Variants in RALGPS2 observed in about 807,000 individuals in gnomAD.
RALGPS2 encodes the protein Ral GEF with PH domain and SH3 binding motif 2, also known as ras-specific guanine nucleotide-releasing factor RalGPS2.
RALGPS2 carries 43 observed loss-of-function variants against 86.8 expected under a neutral mutation model. The observed-to-expected ratio is 0.50, with a 90% CI of 0.39 to 0.64. The LOEUF is 0.64. RALGPS2 is among the 30% of genes least tolerant of loss of function. The pLI is 0.00. For missense variants in RALGPS2, 536 were observed against 694.6 expected, an observed-to-expected ratio of 0.77 and a Z score of 2.57; for synonymous variants, 243 against 231.3, an observed-to-expected ratio of 1.05 and a Z score of -0.46.
At chr1:178,886,184 G>T in intron 13 of RALGPS2, 64 bp downstream of exon 13, 2 of 1,547,366 alleles carry the variant, frequency 1.3e-6, no homozygotes, top group Middle Eastern at 1.7e-4. Flanking sequence ...ATAAAACTTG[G>T]CTGGAAAAAA....
Position 178,745,422 on chromosome 1 carries a change from G to A in RALGPS2, c.-84+20003G>A, listed in dbSNP as rs576745558. ...TCAAAACAATGTTGTATTTGTATAA[G>A]GATGATGAAATAGATCAATGGAATA... is the stretch of plus-strand genomic sequence containing the variant. On this transcript the variant is annotated intron_variant, in intron 1 of 19. Coordinates refer to ENST00000367635, the MANE Select transcript of RALGPS2 (RefSeq NM_152663.5). Among the ~76,000 whole-genome samples, 3 of 152,312 alleles carry A rather than the reference G, an allele frequency of 2.0e-5. No individual in the cohort carries two copies. The South Asian group carries it at 6.2e-4, about 32-fold the overall frequency.
chr1:178,827,434 G>A (rs377333620), intron 7 of RALGPS2, among the ~76,000 whole-genome samples: 4,068 of 134,610 alleles, frequency 0.03, 194 homozygotes, highest in African/African-American at 0.11. Flanking sequence ...TCGCTCTGTC[G>A]CCCAGGCTGG....
rs1013359903 is a variant in RALGPS2, at chr1:178,770,936, T to C, written c.-83-5746T>C. On this transcript the variant is annotated intron_variant, in intron 1 of 19. Transcript: ENST00000367635. ...TCACTGCAACCTCCCCGTCGCGGGA[T>C]CAAGCTATTCTCCTGCCTCAGCCTC... Among the ~76,000 whole-genome samples, 46 of 150,578 alleles carry C rather than the reference T, an allele frequency of 3.1e-4. 1 individual carries two copies.
At chr1:178,883,313 A>G (rs1350995942) in intron 10 of RALGPS2, among the ~76,000 whole-genome samples, 153 bp from the exon 11 acceptor site, 1 of 152,118 alleles carries the variant, frequency 6.6e-6, no homozygotes, top group Non-Finnish European at 1.5e-5. Context: ...CCTGTCTCTT[A>G]AAAAGAAGAA....
At chr1:178,885,882 TC>T in intron 12 of RALGPS2, 86 bp from the exon 13 acceptor site, 1 of 1,168,958 alleles carries the variant, frequency 8.6e-7, no homozygotes, top group Non-Finnish European at 1.2e-6. Flanking sequence ...GTTAGGTAAA[TC>T]TTTTATGTCC....
chr1:178,812,745 G>C (rs1268863060), intron 6 of RALGPS2, among the ~76,000 whole-genome samples: 2 of 152,062 alleles, frequency 1.3e-5, no homozygotes, highest in African/African-American at 4.8e-5. Flanking sequence ...ATAAAATGAG[G>C]ATATCATGTT....
At chr1:178,740,150 C>T (rs188240799) in intron 1 of RALGPS2, among the ~76,000 whole-genome samples, 147 of 152,254 alleles carry the variant, frequency 9.7e-4, no homozygotes, top group African/African-American at 3.1e-3. Flanking sequence ...GTATTTATAA[C>T]TACTTAACTA....
intron 1 of RALGPS2, among the ~76,000 whole-genome samples, chr1:178,768,757 A>G (rs1652638615): frequency 6.6e-6 from 1 of 152,212 alleles, no homozygotes; most frequent in African/African-American, 2.4e-5. Flanking sequence ...AACCAAGGCC[A>G]AAGGAGAATC....
chr1:178,784,330 G>A (rs1027645784), intron 2 of RALGPS2, 88 bp from the exon 3 acceptor site: 22 of 954,438 alleles, frequency 2.3e-5, no homozygotes, highest in Middle Eastern at 4.6e-4. Context: ...CTACTGTTTT[G>A]TTTTCTCAGT....
rs1404767631 is a variant in RALGPS2, at chr1:178,777,787, C to T, written c.57+966C>T. On this transcript the variant is annotated intron_variant, in intron 2 of 19. Coordinates refer to ENST00000367635, the MANE Select transcript of RALGPS2 (RefSeq NM_152663.5). ...TGACAAACCTGAGAAAAACAAGCAA[C>T]GGGGAAAGGATTCCCTATTTAATAA... 2.6e-3 allele frequency among the ~76,000 whole-genome samples: 390 copies of T among 151,622 alleles called. 1 individual carries two copies. The highest frequency in any genetic ancestry group is 8.7e-3 in the African/African-American group (357 of 41,142).
In RALGPS2 at chr1:178,865,404, T is replaced by TA. The variant is rs756103009; in HGVS notation, c.608-12093dup. 3 of 1,614,092 alleles carry TA rather than the reference T, an allele frequency of 1.9e-6. No individual in the cohort carries two copies. The Admixed American group carries it at 5.0e-5, about 27-fold the overall frequency. ...AGTTGAGTAACACGAGAGTTCATGT[T>TA]ACGGCTTTCCTTTCTCAGCAGCTTT... On this transcript the variant is annotated intron_variant, in intron 8 of 19. Transcript: ENST00000367635.
At chr1:178,915,324 C>T (rs1660772031) in intron 19 of RALGPS2, among the ~76,000 whole-genome samples, 1 of 152,194 alleles carries the variant, frequency 6.6e-6, no homozygotes, top group Admixed American at 6.5e-5. Context: ...CAACCTCTGC[C>T]TCCCGGGTTC....
At position 178,744,817 on chromosome 1, in the gene RALGPS2, C is replaced by CAAAAA. The variant is rs148175568; in HGVS notation, c.-84+19414_-84+19418dup. ...TGGGCGACAGAGCGAGACTCCATCT[C>CAAAAA]AAAAAAAAAAAAAAAAAAAAGAAAG... On this transcript the variant is annotated intron_variant, in intron 1 of 19. Transcript: ENST00000367635. 4.8e-3 allele frequency among the ~76,000 whole-genome samples: 316 copies of CAAAAA among 65,548 alleles called. 2 individuals are homozygous for CAAAAA. The highest frequency in any genetic ancestry group is 0.016 in the Middle Eastern group (2 of 124). The allele number at this position is 65,548 out of a possible 152,430, so 43.0% of individuals were successfully genotyped here.
At chr1:178,744,817 C>CAAAAAA (rs148175568) in intron 1 of RALGPS2, among the ~76,000 whole-genome samples, 12 of 65,988 alleles carry the variant, frequency 1.8e-4, no homozygotes, top group African/African-American at 4.0e-4. Flanking sequence ...GACTCCATCT[C>CAAAAAA]AAAAAAAAAA....
intron 8 of RALGPS2, among the ~76,000 whole-genome samples, chr1:178,836,918 A>G (rs776347497): frequency 1.1e-4 from 16 of 152,138 alleles, no homozygotes; most frequent in Non-Finnish European, 2.1e-4. Context: ...AGCTGAGACT[A>G]CAGGTGTGCA....
intron 8 of RALGPS2, among the ~76,000 whole-genome samples, chr1:178,858,092 A>G (rs1657716399): frequency 6.6e-6 from 1 of 152,290 alleles, no homozygotes; most frequent in Middle Eastern, 3.4e-3. Context: ...GTTCTTTTCC[A>G]GAACATATGG....
chr1:178,912,713 A>C (rs1660672003), intron 19 of RALGPS2, among the ~76,000 whole-genome samples: 1 of 152,116 alleles, frequency 6.6e-6, no homozygotes, highest in South Asian at 2.1e-4. Flanking sequence ...TTGAGTTTGC[A>C]CATCAACTTC....
Position 178,920,756 on chromosome 1 carries a change from AAAGAAT to A in RALGPS2, c.*4402_*4407del, listed in dbSNP as rs1424521372. ...TGTAAGGCCTTTTGGAAAAGCCCTA[AAAGAAT>A]AAGATACAACCAGAAATATTTGAGT... On this transcript the variant is annotated 3_prime_UTR_variant, in exon 20 of 20. Transcript: ENST00000367635. 1.3e-5 allele frequency: 2 copies of A among 152,176 alleles called. No individual in the cohort carries two copies. Among genetic ancestry groups the A allele is most frequent in the East Asian group, 3.9e-4 (2 of 5,184 alleles). The allele number at this position is 152,176 out of a possible 1,614,324, so 9.4% of individuals were successfully genotyped here.
At position 178,911,048 on chromosome 1, in the gene RALGPS2, A is replaced by G. The variant is rs187033065; in HGVS notation, c.1722+4181A>G. The stretch of plus-strand genomic sequence containing the variant: ...TTTAGGTTTTCTAGTTTGTGTGCAT[A>G]TAAGTGTTAGTCTCTGAGGATTTTT... On this transcript the variant is annotated intron_variant, in intron 19 of 19. Coordinates refer to ENST00000367635, the MANE Select transcript of RALGPS2 (RefSeq NM_152663.5). 2.6e-3 allele frequency among the ~76,000 whole-genome samples: 398 copies of G among 152,218 alleles called. 1 individual carries two copies. Among genetic ancestry groups the G allele is most frequent in the Middle Eastern group, 6.8e-3 (2 of 294 alleles).
Sources: gnomAD v4.1 joint callset for allele counts (sites outside exome capture counted in the v4.1 genomes callset) on GRCh38, gnomAD v4.1.1 for gene constraint, MANE v1.5 for transcripts, NCBI Gene and HGNC (gene_info 2026-07-23, HGNC 2026-07-21) for gene names.